BCAT1: variants seen among roughly 807,000 people sequenced by gnomAD.
BCAT1 encodes branched-chain-amino-acid aminotransferase, cytosolic.
A neutral mutation model predicts 52.4 loss-of-function variants in BCAT1; 48 were observed. The observed-to-expected ratio is 0.92, with a 90% CI of 0.73 to 1.16. BCAT1 has a LOEUF of 1.16. Among genes scored for constraint, BCAT1 ranks in the 50% most tolerant of loss-of-function variants. The pLI, the probability that BCAT1 is intolerant of heterozygous loss-of-function variation, is 0.00. For synonymous variants in BCAT1, 167 were observed against 161.3 expected (o/e 1.04, Z -0.27); for missense variants, 451 against 457.1 (o/e 0.99, Z 0.12).
intron 5 of BCAT1, among the ~76,000 whole-genome samples, chr12:24,864,595 C>A (rs1941949953): frequency 6.6e-6 from 1 of 152,154 alleles, no homozygotes; most frequent in African/African-American, 2.4e-5. Flanking sequence ...TTTTAACTAT[C>A]AGTTTTCCCT....
chr12:24,914,040 G>A (rs1395816673), intron 1 of BCAT1, among the ~76,000 whole-genome samples: 4 of 151,970 alleles, frequency 2.6e-5, no homozygotes, highest in African/African-American at 9.7e-5. Context: ...AGGAGAGCAG[G>A]AGCCCAACAT....
intron 5 of BCAT1, among the ~76,000 whole-genome samples, chr12:24,854,997 A>G (rs1466446822): frequency 1.3e-5 from 2 of 152,184 alleles, no homozygotes; most frequent in Non-Finnish European, 2.9e-5. Flanking sequence ...GCCCCTGAGC[A>G]TAAAAATAAA....
At chr12:24,835,783 G>A (rs1490069982) in intron 8 of BCAT1, among the ~76,000 whole-genome samples, 1 of 151,822 alleles carries the variant, frequency 6.6e-6, no homozygotes, top group Non-Finnish European at 1.5e-5. Flanking sequence ...TAGATTCGGG[G>A]TCTCACTATG....
chr12:24,947,904 T>C (rs1943957480), intron 1 of BCAT1, among the ~76,000 whole-genome samples: 1 of 152,338 alleles, frequency 6.6e-6, no homozygotes, highest in Middle Eastern at 3.4e-3. Context: ...CTCTGTTGAA[T>C]ACAAAAACGC....
chr12:24,913,780 T>C (rs77305741), intron 1 of BCAT1, among the ~76,000 whole-genome samples: 122 of 152,346 alleles, frequency 8.0e-4, no homozygotes, highest in African/African-American at 2.7e-3. Context: ...AGCATGCATT[T>C]CTTCCTTCTG....
At position 24,814,463 on chromosome 12, in the gene BCAT1, T is replaced by C. The variant is rs1747273206; in HGVS notation, c.*3545A>G. Reference sequence around the variant, plus strand: ...TATAGTGACTGAGCACTGAGTGGGATTGAAGAAAATAAATGAGCTTATTTT... The same window carrying C: ...TATAGTGACTGAGCACTGAGTGGGACTGAAGAAAATAAATGAGCTTATTTT... On this transcript the variant is annotated 3_prime_UTR_variant, in exon 11 of 11. Coordinates refer to ENST00000261192, the MANE Select transcript of BCAT1 (RefSeq NM_005504.7). 1 of 148,914 alleles carries C rather than the reference T, an allele frequency of 6.7e-6. No individual in the cohort carries two copies. Among genetic ancestry groups the C allele is most frequent in the South Asian group, 2.1e-4 (1 of 4,732 alleles). The allele number at this position is 148,914 out of a possible 1,614,324, so 9.2% of individuals were successfully genotyped here. A position where few individuals can be genotyped will look rare whatever the true frequency, so the allele number is the denominator to read the frequency against.
In BCAT1 at chr12:24,836,729, T is replaced by C. The variant is rs1264216874; in HGVS notation, c.818-133A>G. 5 of 694,362 alleles carry C rather than the reference T, an allele frequency of 7.2e-6. No homozygotes were observed. The African/African-American group carries it at 9.0e-5, about 13-fold the overall frequency. The allele number at this position is 694,362 out of a possible 1,614,324, so 43.0% of individuals were successfully genotyped here. On this transcript the variant is annotated intron_variant, in intron 7 of 10. Coordinates refer to ENST00000261192, the MANE Select transcript of BCAT1 (RefSeq NM_005504.7). ...ATAAAGAAAATTTTACTGTTCTGCA[T>C]GATCAAATTTCCCAAATCAGTTCAC...
chr12:24,924,756 A>G (rs1379900128), intron 1 of BCAT1, among the ~76,000 whole-genome samples: 1 of 152,254 alleles, frequency 6.6e-6, no homozygotes, highest in Non-Finnish European at 1.5e-5. Context: ...TTTTGAGGTC[A>G]GCTAGGGAAA....
At chr12:24,837,624 A>C (rs1341987147) in intron 7 of BCAT1, among the ~76,000 whole-genome samples, 2 of 151,718 alleles carry the variant, frequency 1.3e-5, no homozygotes, top group Non-Finnish European at 2.9e-5. Flanking sequence ...ACGGGGTTTC[A>C]CCATGTTGGT....
intron 8 of BCAT1, chr12:24,834,533 A>C: frequency 1.0e-6 from 1 of 976,106 alleles, no homozygotes. Context: ...AGAGGTTTAA[A>C]AAAATAAGAT....
intron 10 of BCAT1, among the ~76,000 whole-genome samples, chr12:24,828,418 G>A (rs1475359920): frequency 6.6e-6 from 1 of 152,068 alleles, no homozygotes; most frequent in African/African-American, 2.4e-5. Context: ...AAAGTTAGCA[G>A]TATGAAAAAA....
intron 1 of BCAT1, among the ~76,000 whole-genome samples, chr12:24,905,795 G>A (rs1943216549): frequency 6.6e-6 from 1 of 151,858 alleles, no homozygotes; most frequent in Non-Finnish European, 1.5e-5. Flanking sequence ...GAGTATGCAG[G>A]AGCGGTGACA....
intron 10 of BCAT1, among the ~76,000 whole-genome samples, chr12:24,829,488 C>A (rs1163028351): frequency 6.6e-6 from 1 of 152,072 alleles, no homozygotes; most frequent in Non-Finnish European, 1.5e-5. Flanking sequence ...CAAATTTTTT[C>A]TTCCTTTTTT....
At position 24,832,608 on chromosome 12, in the gene BCAT1, G is replaced by A. The variant is rs115733022; in HGVS notation, c.1044+115C>T. 4.5e-3 allele frequency: 5,690 copies of A among 1,253,056 alleles called. 170 individuals are homozygous for A. The African/African-American group carries it at 0.075, about 17-fold the overall frequency. The allele number at this position is 1,253,056 out of a possible 1,614,324, so 77.6% of individuals were successfully genotyped here. On this transcript the variant is annotated intron_variant, in intron 9 of 10. Transcript: ENST00000261192. ...TAAAATAAAGAAAAACAACAACAAC[G>A]ACAAAACTTTTGCATCTTGGGTCTG...
At chr12:24,901,225 A>T (rs1943094089) in intron 2 of BCAT1, among the ~76,000 whole-genome samples, 1 of 152,224 alleles carries the variant, frequency 6.6e-6, no homozygotes, top group African/African-American at 2.4e-5. Context: ...AGTGACTCAA[A>T]CAGGCAGAAG....
chr12:24,947,865 C>A (rs900043198), intron 1 of BCAT1, among the ~76,000 whole-genome samples: 5 of 152,192 alleles, frequency 3.3e-5, no homozygotes, highest in Non-Finnish European at 5.9e-5. Flanking sequence ...GAAATAGAAC[C>A]TCTAACTATA....
chr12:24,881,517 T>G, intron 3 of BCAT1, 106 bp from the exon 4 acceptor site: 1 of 677,048 alleles, frequency 1.5e-6, no homozygotes, highest in South Asian at 1.9e-5. Flanking sequence ...CCCATAAAGC[T>G]GTTGACATTG....
At chr12:24,896,269 T>C (rs1252519006) in intron 2 of BCAT1, among the ~76,000 whole-genome samples, 2 of 152,190 alleles carry the variant, frequency 1.3e-5, no homozygotes, top group Admixed American at 6.5e-5. Context: ...TTGAATCCCT[T>C]TTCTCTCCCG....
Position 24,889,831 on chromosome 12 carries a change from A to T in BCAT1, c.279+4444T>A, listed in dbSNP as rs555209090. Among the ~76,000 whole-genome samples, 1,141 of 152,278 alleles carry T rather than the reference A, an allele frequency of 7.5e-3. 9 individuals carry two copies. Among genetic ancestry groups the T allele is most frequent in the African/African-American group, 0.027 (1,102 of 41,544 alleles). Reference sequence around the variant, plus strand: ...ATAGCAAGACCCCATCTTATATTTTAAAAATAATGAAATAAAATAAAAGAC... The same window carrying T: ...ATAGCAAGACCCCATCTTATATTTTTAAAATAATGAAATAAAATAAAAGAC... On this transcript the variant is annotated intron_variant, in intron 3 of 10. Transcript: ENST00000261192.
Sources: gnomAD v4.1 joint callset for allele counts (sites outside exome capture counted in the v4.1 genomes callset) on GRCh38, gnomAD v4.1.1 for gene constraint, MANE v1.5 for transcripts, NCBI Gene and HGNC (gene_info 2026-07-23, HGNC 2026-07-21) for gene names.